Variants in SNX9 observed in about 807,000 individuals in gnomAD.
SNX9 encodes the protein sorting nexin 9.
SNX9 carries 44 observed loss-of-function variants against 89.4 expected under a neutral mutation model. The observed-to-expected ratio is 0.49, with a 90% CI of 0.39 to 0.63. The LOEUF (loss-of-function observed/expected upper bound fraction) is 0.63. Among genes scored for constraint, SNX9 ranks in the 30% least tolerant of loss-of-function variants. SNX9 has a pLI of 0.00. For missense variants in SNX9, 578 were observed against 736.1 expected, an observed-to-expected ratio of 0.79 and a Z score of 2.49; for synonymous variants, 236 against 247.8, an observed-to-expected ratio of 0.95 and a Z score of 0.45.
chr6:157,832,333 T>G (rs1008410055), intron 1 of SNX9, among the ~76,000 whole-genome samples: 1 of 152,220 alleles, frequency 6.6e-6, no homozygotes, highest in Admixed American at 6.5e-5. Flanking sequence ...TCATTTGAAC[T>G]TCAGATGTGC....
intron 1 of SNX9, among the ~76,000 whole-genome samples, chr6:157,866,268 A>G (rs1782258947): frequency 6.6e-6 from 1 of 152,128 alleles, no homozygotes; most frequent in Non-Finnish European, 1.5e-5. Flanking sequence ...GCTTTGTCCT[A>G]GTCTGTCTTA....
At chr6:157,865,792 G>T (rs747161017) in intron 1 of SNX9, among the ~76,000 whole-genome samples, 2 of 152,040 alleles carry the variant, frequency 1.3e-5, no homozygotes, top group Non-Finnish European at 2.9e-5. Flanking sequence ...ATAATTTCAG[G>T]CATCATTAAG....
At chr6:157,924,850 C>T (rs1783657283) in intron 10 of SNX9, among the ~76,000 whole-genome samples, 1 of 152,136 alleles carries the variant, frequency 6.6e-6, no homozygotes, top group Admixed American at 6.5e-5. Context: ...TACTTTTCTT[C>T]TTTTGTATAT....
At chr6:157,919,411 TGTTA>T (rs1453861705) in intron 9 of SNX9, among the ~76,000 whole-genome samples, 3 of 152,220 alleles carry the variant, frequency 2.0e-5, no homozygotes, top group South Asian at 2.1e-4. Flanking sequence ...GTGTTCTTCA[TGTTA>T]GTTAACTTCT....
chr6:157,867,789 T>A (rs1306519399), intron 2 of SNX9, among the ~76,000 whole-genome samples, 156 bp downstream of exon 2: 2 of 152,236 alleles, frequency 1.3e-5, no homozygotes, highest in African/African-American at 4.8e-5. Flanking sequence ...CCACATGATT[T>A]TTTTCCTGTT....
chr6:157,884,079 C>CCGACCA (rs1336025072), intron 4 of SNX9, among the ~76,000 whole-genome samples: 3 of 152,308 alleles, frequency 2.0e-5, no homozygotes, highest in African/African-American at 7.2e-5. Flanking sequence ...GTTCTTAACA[C>CCGACCA]CGACCACAGG....
chr6:157,874,750 C>T (rs1401459169), intron 3 of SNX9: 1 of 239,170 alleles, frequency 4.2e-6, no homozygotes, highest in Admixed American at 5.6e-5. Context: ...AATGGAATCA[C>T]ACTAGAAATC....
intron 1 of SNX9, among the ~76,000 whole-genome samples, chr6:157,857,436 A>G (rs1167618607): frequency 6.6e-6 from 1 of 152,158 alleles, no homozygotes; most frequent in Non-Finnish European, 1.5e-5. Context: ...CAATCTGGGC[A>G]CTAGATATGT....
rs964100289 is a variant in SNX9, at chr6:157,894,466, A to T, written c.301-2361A>T. 5.4e-5 allele frequency among the ~76,000 whole-genome samples: 4 copies of T among 74,632 alleles called. No individual in the cohort carries two copies. In the East Asian group the frequency reaches 1.2e-3, roughly 22 times the overall value. 49.0% of individuals were successfully genotyped at this position (74,632 alleles called of 152,430 possible). ...CAGACAGATACAAGATTTAAATGTTAAAAAAAAAAAAAAAAAAAAAGCTAA... is the reference window on the plus strand; with the variant it reads ...CAGACAGATACAAGATTTAAATGTTTAAAAAAAAAAAAAAAAAAAAGCTAA... On this transcript the variant is annotated intron_variant, in intron 4 of 17. Transcript: ENST00000392185.
intron 1 of SNX9, among the ~76,000 whole-genome samples, chr6:157,850,369 A>G (rs1005505656): frequency 6.6e-6 from 1 of 152,170 alleles, no homozygotes; most frequent in African/African-American, 2.4e-5. Flanking sequence ...TGTTAAGAGA[A>G]GGTATTATTC....
intron 4 of SNX9, among the ~76,000 whole-genome samples, chr6:157,893,649 A>G (rs1031089801): frequency 1.8e-4 from 27 of 151,838 alleles, no homozygotes; most frequent in African/African-American, 6.3e-4. Flanking sequence ...ACTCAAATAA[A>G]GGGGAAGACT....
At chr6:157,913,537 A>G (rs1364528626) in intron 9 of SNX9, among the ~76,000 whole-genome samples, 1 of 152,096 alleles carries the variant, frequency 6.6e-6, no homozygotes, top group Non-Finnish European at 1.5e-5. Flanking sequence ...GGTACAGTAA[A>G]TTCACTCTTT....
rs528337128 is a variant in SNX9 at position 157,835,563 on chromosome 6, C to T, written c.12+12117C>T. 3.9e-5 allele frequency among the ~76,000 whole-genome samples: 6 copies of T among 152,034 alleles called. No individual in the cohort carries two copies. The South Asian group carries it at 1.2e-3, about 32-fold the overall frequency. The stretch of plus-strand genomic sequence containing the variant: ...GAGTATCTGTGATATGGTTAGGCTT[C>T]GTGTCCCCACCCAAATCTCATCTTG... On this transcript the variant is annotated intron_variant, in intron 1 of 17. Coordinates refer to ENST00000392185, the MANE Select transcript of SNX9 (RefSeq NM_016224.5).
intron 1 of SNX9, among the ~76,000 whole-genome samples, chr6:157,837,448 C>G (rs1781608724): frequency 6.6e-6 from 1 of 152,126 alleles, no homozygotes; most frequent in Non-Finnish European, 1.5e-5. Context: ...AGAGAAGAAT[C>G]CTGTTCTTAA....
intron 2 of SNX9, among the ~76,000 whole-genome samples, chr6:157,867,849 A>G (rs1782299688): frequency 6.6e-6 from 1 of 152,224 alleles, no homozygotes; most frequent in Admixed American, 6.5e-5. Flanking sequence ...TAAATACAGG[A>G]AAAAAGTTCC....
At chr6:157,858,992 A>G (rs1782067214) in intron 1 of SNX9, among the ~76,000 whole-genome samples, 1 of 151,980 alleles carries the variant, frequency 6.6e-6, no homozygotes, top group Admixed American at 6.6e-5. Flanking sequence ...CATACTCTCC[A>G]TTTTTTCCAA....
intron 1 of SNX9, among the ~76,000 whole-genome samples, chr6:157,854,478 G>A (rs1001431851): frequency 1.3e-5 from 2 of 152,218 alleles, no homozygotes; most frequent in East Asian, 1.9e-4. Flanking sequence ...TTAAGAGTAT[G>A]TAAGCATATA....
chr6:157,867,310 G>A (rs111414723), intron 1 of SNX9, among the ~76,000 whole-genome samples: 1 of 152,086 alleles, frequency 6.6e-6, no homozygotes, highest in African/African-American at 2.4e-5. Flanking sequence ...TGCAATGTGG[G>A]CAGCTGCCAG....
chr6:157,929,701 G>A (rs988520260), intron 12 of SNX9, among the ~76,000 whole-genome samples: 1 of 152,080 alleles, frequency 6.6e-6, no homozygotes, highest in Non-Finnish European at 1.5e-5. Context: ...ATCTGTTCTT[G>A]TAATGATTTT....
Sources: gnomAD v4.1 joint callset for allele counts (sites outside exome capture counted in the v4.1 genomes callset) on GRCh38, gnomAD v4.1.1 for gene constraint, MANE v1.5 for transcripts, NCBI Gene and HGNC (gene_info 2026-07-23, HGNC 2026-07-21) for gene names.